Variants in MIS18A observed in about 807,000 individuals in gnomAD.
MIS18A encodes protein Mis18-alpha.
In MIS18A, 14 loss-of-function variants were observed where a neutral mutation model predicts 25.0. That is an observed-to-expected ratio of 0.56 (90% CI 0.37 to 0.88). The LOEUF (loss-of-function observed/expected upper bound fraction) is 0.88. MIS18A is among the 40% of genes least tolerant of loss of function. The pLI is 0.00. For synonymous variants in MIS18A, 134 were observed against 118.6 expected (o/e 1.13, Z -0.84); for missense variants, 292 against 290.8 (o/e 1.00, Z -0.03).
rs2031656716 is a variant in MIS18A, at chr21:32,268,886, G to A, written c.*151C>T. On this transcript the variant is annotated 3_prime_UTR_variant, in exon 5 of 5. Transcript: ENST00000290130. ...GCTCACTGCAGCCTCAACCTCCCAA[G>A]CTCATCTGATCCTCCCACCTCAGCG... 1.9e-6 allele frequency: 1 copy of A among 519,198 alleles called. No homozygotes were observed. Among genetic ancestry groups the A allele is most frequent in the Non-Finnish European group, 3.4e-6 (1 of 292,276 alleles). 32.2% of individuals were successfully genotyped at this position (519,198 alleles called of 1,614,324 possible). A position where few individuals can be genotyped will look rare whatever the true frequency, so the allele number is the denominator to read the frequency against.
intron 2 of MIS18A, among the ~76,000 whole-genome samples, chr21:32,274,147 A>T (rs980537216): frequency 6.6e-6 from 1 of 151,562 alleles, no homozygotes; most frequent in African/African-American, 2.4e-5. Context: ...GCATTAGCCT[A>T]AGGCACCCTT....
chr21:32,248,135 A>G, the MIS18A span, among the ~76,000 whole-genome samples: 1 of 152,062 alleles, frequency 6.6e-6, no homozygotes, highest in East Asian at 1.9e-4. Flanking sequence ...TCCTGGTAAA[A>G]TCCAGGAGAG....
In MIS18A at chr21:32,278,683, C is replaced by A. The variant is rs748665127; in HGVS notation, c.332G>T (p.Arg111Leu). The part of the protein sequence containing the change: ...SQEDTNCILL[R>L]CVSCNVSVDK... ...CTGCCCGGCTCGACCCAACTGACAG[C>A]GAAGCAGGATGCAGTTGGTGTCCTC... Residue 111 changes from arginine (R) to leucine (L), a missense_variant and splice_region_variant, in exon 1 of 5, where the codon CGC (arginine) becomes CTC (leucine). By Grantham distance (102) the Arg-to-Leu change is moderately radical (BLOSUM62 -2). Coordinates refer to ENST00000290130, the MANE Select transcript of MIS18A (RefSeq NM_018944.3). 4 of 1,548,598 alleles carry A rather than the reference C, an allele frequency of 2.6e-6. No homozygotes were observed. The South Asian group carries it at 3.5e-5, about 14-fold the overall frequency.
the MIS18A span, among the ~76,000 whole-genome samples, chr21:32,188,423 G>A: frequency 6.6e-6 from 1 of 152,326 alleles, no homozygotes; most frequent in South Asian, 2.1e-4. Flanking sequence ...GCAAGAGAGG[G>A]ACCCTGGAGC....
the MIS18A span, among the ~76,000 whole-genome samples, chr21:32,191,259 C>T: frequency 2.0e-5 from 3 of 152,174 alleles, no homozygotes; most frequent in South Asian, 2.1e-4. Context: ...TTACTGTATC[C>T]CAAAGCCCGA....
chr21:32,222,198 G>A, the MIS18A span, among the ~76,000 whole-genome samples: 1 of 151,804 alleles, frequency 6.6e-6, no homozygotes, highest in Non-Finnish European at 1.5e-5. Context: ...GACAAAAAAG[G>A]GCATTACATA....
At chr21:32,275,233 T>C (rs1000179401) in intron 1 of MIS18A, among the ~76,000 whole-genome samples, 9 of 152,080 alleles carry the variant, frequency 5.9e-5, no homozygotes, top group African/African-American at 2.2e-4. Flanking sequence ...AAATAAAAAT[T>C]TAAGAAAAAT....
intron 2 of MIS18A, among the ~76,000 whole-genome samples, chr21:32,272,043 T>G (rs2123466008): frequency 6.6e-6 from 1 of 152,348 alleles, no homozygotes; most frequent in South Asian, 2.1e-4. Context: ...CCATTCACAC[T>G]TCTAGAATCA....
chr21:32,221,709 C>A, the MIS18A span, among the ~76,000 whole-genome samples: 5 of 139,190 alleles, frequency 3.6e-5, no homozygotes, highest in African/African-American at 1.1e-4. Flanking sequence ...AAAACCCTAT[C>A]TCTACGAATA....
the MIS18A span, among the ~76,000 whole-genome samples, chr21:32,208,894 C>T: frequency 6.6e-6 from 1 of 152,188 alleles, no homozygotes; most frequent in Non-Finnish European, 1.5e-5. Context: ...ACCAGGTGTC[C>T]CTCCCAAAGG....
chr21:32,203,518 T>A, the MIS18A span, among the ~76,000 whole-genome samples: 6 of 115,382 alleles, frequency 5.2e-5, no homozygotes, highest in South Asian at 1.9e-3. Context: ...AAAGGTAGTG[T>A]TACTTTTAAA....
chr21:32,248,013 G>A, the MIS18A span, among the ~76,000 whole-genome samples: 1 of 152,168 alleles, frequency 6.6e-6, no homozygotes, highest in Admixed American at 6.5e-5. Context: ...ATCGCTGCAT[G>A]GAAGAGCTTT....
At chr21:32,160,609 AG>A in the MIS18A span, among the ~76,000 whole-genome samples, 9 of 151,268 alleles carry the variant, frequency 5.9e-5, no homozygotes, top group African/African-American at 1.9e-4. Context: ...GCAGGGAGGG[AG>A]CTTCCATTCC....
the MIS18A span, among the ~76,000 whole-genome samples, chr21:32,208,532 C>T: frequency 3.9e-5 from 6 of 152,328 alleles, no homozygotes; most frequent in African/African-American, 1.4e-4. Context: ...CAACACCATG[C>T]TTCCTATACA....
At chr21:32,192,731 C>CA in the MIS18A span, among the ~76,000 whole-genome samples, 2 of 152,184 alleles carry the variant, frequency 1.3e-5, no homozygotes, top group East Asian at 3.9e-4. Flanking sequence ...CAGGTGCCTC[C>CA]AAACTCCTCC....
At chr21:32,219,786 G>A in the MIS18A span, among the ~76,000 whole-genome samples, 937 of 152,314 alleles carry the variant, frequency 6.2e-3, 5 homozygotes, top group Middle Eastern at 0.044. Context: ...CAAGCTTGGT[G>A]AGGGAAGGGG....
At chr21:32,169,004 A>T in the MIS18A span, among the ~76,000 whole-genome samples, 1 of 152,310 alleles carries the variant, frequency 6.6e-6, no homozygotes, top group South Asian at 2.1e-4. Context: ...AGAACAACAG[A>T]AGCAGAATTG....
At chr21:32,217,443 CA>C in the MIS18A span, among the ~76,000 whole-genome samples, 1 of 151,600 alleles carries the variant, frequency 6.6e-6, no homozygotes, top group Non-Finnish European at 1.5e-5. Context: ...GTCTGACTTA[CA>C]GAAAGAAAAA....
At chr21:32,235,339 C>T in the MIS18A span, among the ~76,000 whole-genome samples, 1 of 152,190 alleles carries the variant, frequency 6.6e-6, no homozygotes, top group South Asian at 2.1e-4. Flanking sequence ...TTATGCTCTA[C>T]AGGCCTGCAT....
Sources: allele counts gnomAD v4.1 joint callset (sites outside exome capture counted in the v4.1 genomes callset), GRCh38; gene constraint gnomAD v4.1.1; transcripts MANE v1.5; gene names NCBI Gene and HGNC (gene_info 2026-07-23, HGNC 2026-07-21).